PABPC4L: variants seen among roughly 807,000 people sequenced by gnomAD.
The protein encoded by PABPC4L is poly(A) binding protein cytoplasmic 4 like, also known as polyadenylate-binding protein 4-like.
For synonymous variants in PABPC4L, 169 were observed against 164.1 expected (o/e 1.03, Z -0.23); for missense variants, 452 against 451.4 (o/e 1.00, Z -0.01).
At chr4:133,969,900 G>A in the PABPC4L span, among the ~76,000 whole-genome samples, 21 of 152,060 alleles carry the variant, frequency 1.4e-4, no homozygotes, top group East Asian at 3.9e-3. Flanking sequence ...GAATAAAACA[G>A]TTCCTAAAAT....
the PABPC4L span, among the ~76,000 whole-genome samples, chr4:134,042,208 T>C: frequency 6.6e-6 from 1 of 152,156 alleles, no homozygotes; most frequent in Non-Finnish European, 1.5e-5. Flanking sequence ...GCATAGATAC[T>C]GCATGTTCTC....
At chr4:134,001,024 G>A in the PABPC4L span, among the ~76,000 whole-genome samples, 1 of 151,850 alleles carries the variant, frequency 6.6e-6, no homozygotes, top group Admixed American at 6.6e-5. Context: ...TATTACTTTG[G>A]TGAACCCTGA....
the PABPC4L span, among the ~76,000 whole-genome samples, chr4:134,087,122 C>T: frequency 6.6e-6 from 1 of 151,994 alleles, no homozygotes; most frequent in Non-Finnish European, 1.5e-5. Context: ...TATAAAGACA[C>T]ATGCACACGT....
the PABPC4L span, among the ~76,000 whole-genome samples, chr4:134,156,081 C>A: frequency 6.6e-6 from 1 of 151,820 alleles, no homozygotes. Flanking sequence ...CTGTCGGAGC[C>A]TGAAGAGACC....
At chr4:134,040,254 A>T in the PABPC4L span, among the ~76,000 whole-genome samples, 1 of 151,936 alleles carries the variant, frequency 6.6e-6, no homozygotes, top group Admixed American at 6.6e-5. Context: ...ACCAAAAAAG[A>T]GCCCACATAG....
chr4:133,984,247 G>C, the PABPC4L span, among the ~76,000 whole-genome samples: 36 of 151,960 alleles, frequency 2.4e-4, no homozygotes, highest in African/African-American at 8.2e-4. Flanking sequence ...ATTCTGTGAA[G>C]GGGTAAGTAG....
chr4:134,076,559 G>A, the PABPC4L span, among the ~76,000 whole-genome samples: 1 of 152,060 alleles, frequency 6.6e-6, no homozygotes, highest in African/African-American at 2.4e-5. Flanking sequence ...AATTATGTAG[G>A]TTTTGATATA....
the PABPC4L span, among the ~76,000 whole-genome samples, chr4:134,078,568 T>TA: frequency 4.6e-5 from 7 of 151,816 alleles, no homozygotes; most frequent in Non-Finnish European, 1.0e-4. Flanking sequence ...GTTAAACTGA[T>TA]AAAAAAGACT....
the PABPC4L span, among the ~76,000 whole-genome samples, chr4:134,040,448 A>T: frequency 6.6e-6 from 1 of 152,136 alleles, no homozygotes; most frequent in Non-Finnish European, 1.5e-5. Context: ...CTGATCTTTG[A>T]CAAACCTGAC....
chr4:134,140,361 T>C, the PABPC4L span, among the ~76,000 whole-genome samples: 44 of 151,792 alleles, frequency 2.9e-4, no homozygotes, highest in Admixed American at 2.5e-3. Flanking sequence ...TAAAAGTAAA[T>C]TAAAAAATAA....
At chr4:133,964,709 A>G in the PABPC4L span, among the ~76,000 whole-genome samples, 12 of 152,174 alleles carry the variant, frequency 7.9e-5, no homozygotes, top group African/African-American at 2.9e-4. Context: ...AGAATTAAAA[A>G]CAAAAATCAC....
chr4:134,125,369 A>AG, the PABPC4L span, among the ~76,000 whole-genome samples: 1 of 151,902 alleles, frequency 6.6e-6, no homozygotes, highest in Non-Finnish European at 1.5e-5. Flanking sequence ...AGTGCAGGTT[A>AG]GTTACATATG....
the PABPC4L span, among the ~76,000 whole-genome samples, chr4:134,077,475 A>C: frequency 1.3e-5 from 2 of 152,198 alleles, no homozygotes. Context: ...ATGCAAATTA[A>C]AGAAGCTTAG....
the PABPC4L span, among the ~76,000 whole-genome samples, chr4:134,060,399 A>G: frequency 6.6e-6 from 1 of 151,570 alleles, no homozygotes; most frequent in East Asian, 2.0e-4. Context: ...ACTCCCTGAA[A>G]CCTAGGCAGC....
chr4:134,093,113 T>G, the PABPC4L span, among the ~76,000 whole-genome samples: 1 of 151,904 alleles, frequency 6.6e-6, no homozygotes, highest in Non-Finnish European at 1.5e-5. Flanking sequence ...CCACTTTTCT[T>G]GATAAAATAA....
At position 134,200,624 on chromosome 4, in the gene PABPC4L, A is replaced by C; in HGVS notation, c.396T>G (p.Asp132Glu). 1.3e-6 allele frequency: 2 copies of C among 1,551,676 alleles called. No homozygotes were observed. The highest frequency in any genetic ancestry group is 8.7e-7 in the Non-Finnish European group (1 of 1,146,978). The change falls in exon 2 of 2, where the codon GAT becomes GAG. Residue 132 changes from aspartate (D) to glutamate (E), a missense_variant. Transcript: ENST00000421491. Reference protein sequence around the residue: ...GKILSSKVMSDDQGSKGYAFV... With the variant: ...GKILSSKVMSEDQGSKGYAFV... ...ATGCATAGCCCTTGGAGCCTTGATC[A>C]TCACTCATCACCTTGGAGGAAAGGA... is the stretch of plus-strand genomic sequence containing the variant.
chr4:134,012,610 G>C, the PABPC4L span, among the ~76,000 whole-genome samples: 4 of 152,148 alleles, frequency 2.6e-5, no homozygotes, highest in African/African-American at 4.8e-5. Context: ...TCTTCACATG[G>C]ACATGCATGA....
chr4:134,049,829 T>G, the PABPC4L span, among the ~76,000 whole-genome samples: 2 of 152,204 alleles, frequency 1.3e-5, no homozygotes, highest in Admixed American at 6.5e-5. Context: ...TTATCTGAAC[T>G]AAAAATGGTA....
the PABPC4L span, among the ~76,000 whole-genome samples, chr4:134,047,112 G>T: frequency 6.6e-6 from 1 of 152,204 alleles, no homozygotes; most frequent in Non-Finnish European, 1.5e-5. Context: ...AAACCCAGCT[G>T]AAAGCATGGC....
Sources: gnomAD v4.1 joint callset for allele counts (sites outside exome capture counted in the v4.1 genomes callset) on GRCh38, gnomAD v4.1.1 for gene constraint, MANE v1.5 for transcripts, NCBI Gene and HGNC (gene_info 2026-07-23, HGNC 2026-07-21) for gene names.